The following PCDH9 variants were observed in gnomAD, a reference collection of about 807,000 sequenced individuals.
PCDH9 encodes protocadherin 9.
PCDH9 carries 24 observed loss-of-function variants against 70.6 expected under a neutral mutation model. The observed-to-expected ratio is 0.34, with a 90% CI of 0.25 to 0.48. PCDH9 has a LOEUF of 0.48. Ranked by LOEUF, PCDH9 falls within the 20% of genes least tolerant of loss-of-function variation. The probability of loss-of-function intolerance (pLI) is 0.99; values close to 1 mark genes in which losing one functional copy is unlikely to be tolerated. For synonymous variants in PCDH9, 562 were observed against 558.5 expected (o/e 1.01, Z -0.09); for missense variants, 1,281 against 1,503.6 (o/e 0.85, Z 2.45).
intron 4 of PCDH9, among the ~76,000 whole-genome samples, chr13:66,394,067 G>A (rs1957064208): frequency 1.3e-5 from 2 of 152,168 alleles, no homozygotes. Flanking sequence ...AAATGTGGAA[G>A]GTGACTTAGT....
At chr13:66,342,704 G>A (rs976044128) in intron 4 of PCDH9, among the ~76,000 whole-genome samples, 23 of 152,062 alleles carry the variant, frequency 1.5e-4, no homozygotes, top group Admixed American at 1.3e-4. Flanking sequence ...CCGCCTCCCA[G>A]GTTTGAGCGA....
chr13:66,659,855 G>C (rs565642686), intron 3 of PCDH9, among the ~76,000 whole-genome samples: 60 of 152,112 alleles, frequency 3.9e-4, no homozygotes, highest in African/African-American at 1.4e-3. Flanking sequence ...GCATGTACAA[G>C]TGGCCAAAAC....
At chr13:66,307,875 T>C (rs558133597) in intron 4 of PCDH9, among the ~76,000 whole-genome samples, 5 of 152,222 alleles carry the variant, frequency 3.3e-5, no homozygotes, top group Non-Finnish European at 7.4e-5. Context: ...GTTTTCAGCA[T>C]TGAGTGACAC....
At chr13:66,466,385 T>A (rs2138468255) in intron 4 of PCDH9, among the ~76,000 whole-genome samples, 1 of 152,210 alleles carries the variant, frequency 6.6e-6, no homozygotes, top group Admixed American at 6.5e-5. Flanking sequence ...GAATCTCTTA[T>A]CTTGATTTAT....
At chr13:66,973,577 A>T (rs954981105) in intron 2 of PCDH9, among the ~76,000 whole-genome samples, 2 of 151,934 alleles carry the variant, frequency 1.3e-5, no homozygotes, top group Non-Finnish European at 2.9e-5. Context: ...TTTAAAAAAT[A>T]AAACGTGAAG....
intron 2 of PCDH9, among the ~76,000 whole-genome samples, chr13:67,157,112 C>G (rs1197150348): frequency 6.6e-6 from 1 of 152,136 alleles, no homozygotes; most frequent in Non-Finnish European, 1.5e-5. Context: ...CCTGATGCTT[C>G]GATCAATGCC....
At chr13:66,943,136 G>A (rs897840434) in intron 2 of PCDH9, among the ~76,000 whole-genome samples, 2 of 151,918 alleles carry the variant, frequency 1.3e-5, no homozygotes, top group African/African-American at 4.8e-5. Context: ...TGCAAAACAG[G>A]AAAAGAAATC....
intron 3 of PCDH9, among the ~76,000 whole-genome samples, chr13:66,781,257 T>C (rs1432952915): frequency 6.6e-6 from 1 of 152,338 alleles, no homozygotes; most frequent in East Asian, 1.9e-4. Flanking sequence ...TTTGGTGTAT[T>C]AGCTGAATGC....
intron 3 of PCDH9, among the ~76,000 whole-genome samples, chr13:66,634,070 G>T (rs940271288): frequency 6.6e-6 from 1 of 152,140 alleles, no homozygotes; most frequent in Non-Finnish European, 1.5e-5. Flanking sequence ...CACTTTATAA[G>T]TGAGAATAAG....
At chr13:66,394,093 G>A (rs1486633911) in intron 4 of PCDH9, among the ~76,000 whole-genome samples, 1 of 152,124 alleles carries the variant, frequency 6.6e-6, no homozygotes, top group Non-Finnish European at 1.5e-5. Flanking sequence ...GGGATTTGGT[G>A]GCAGGGGGTC....
chr13:66,799,991 C>T (rs1474728984), intron 3 of PCDH9, among the ~76,000 whole-genome samples: 1 of 152,158 alleles, frequency 6.6e-6, no homozygotes, highest in Non-Finnish European at 1.5e-5. Flanking sequence ...TCCCTTCTTG[C>T]TGCCTCAGAG....
In PCDH9 at chr13:67,055,957, A is replaced by G. The variant is rs568323760; in HGVS notation, c.3037-152352T>C. On this transcript the variant is annotated intron_variant, in intron 2 of 4. Transcript: ENST00000377865. ...CACTTAAGGCCAGGAGCTGAAGACCAGCCTGGGCAACATAGTGAAACCCCA... is the reference window on the plus strand; with the variant it reads ...CACTTAAGGCCAGGAGCTGAAGACCGGCCTGGGCAACATAGTGAAACCCCA... Among the ~76,000 whole-genome samples, 247 of 152,328 alleles carry G rather than the reference A, an allele frequency of 1.6e-3. 2 individuals carry two copies. Among genetic ancestry groups the G allele is most frequent in the African/African-American group, 5.7e-3 (239 of 41,584 alleles).
chr13:67,060,187 C>T (rs994691586), intron 2 of PCDH9, among the ~76,000 whole-genome samples: 2 of 152,106 alleles, frequency 1.3e-5, no homozygotes, highest in Admixed American at 1.3e-4. Context: ...AGTGTCTGAG[C>T]CCGGCTTGGC....
At chr13:66,947,945 T>C (rs1365408090) in intron 2 of PCDH9, among the ~76,000 whole-genome samples, 2 of 152,042 alleles carry the variant, frequency 1.3e-5, no homozygotes, top group East Asian at 3.9e-4. Context: ...CAGGTAGTTA[T>C]TGGAACTATC....
rs559449969 is a variant in PCDH9 at position 66,603,215 on chromosome 13, C to T, written c.3340+27995G>A. ...ACTAATAATTGACTTAGTGCTAGTT[C>T]TGACTATGCGTACACATTAAACATG... On this transcript the variant is annotated intron_variant, in intron 4 of 4. Coordinates refer to ENST00000377865, the MANE Select transcript of PCDH9 (RefSeq NM_203487.3). 7.7e-4 allele frequency among the ~76,000 whole-genome samples: 88 copies of T among 114,770 alleles called. 6 individuals are homozygous for T. The highest frequency in any genetic ancestry group is 2.4e-3 in the African/African-American group (85 of 35,380). 75.3% of individuals were successfully genotyped at this position (114,770 alleles called of 152,430 possible). A position where few individuals can be genotyped will look rare whatever the true frequency, so the allele number is the denominator to read the frequency against.
chr13:66,613,533 T>C (rs1428617220), intron 4 of PCDH9, among the ~76,000 whole-genome samples: 1 of 152,224 alleles, frequency 6.6e-6, no homozygotes, highest in Non-Finnish European at 1.5e-5. Flanking sequence ...GTGCTTTGCA[T>C]GTCTGTATGG....
At chr13:66,815,069 C>T (rs777087511) in intron 3 of PCDH9, among the ~76,000 whole-genome samples, 28 of 151,486 alleles carry the variant, frequency 1.8e-4, no homozygotes, top group Non-Finnish European at 3.1e-4. Context: ...GCAAGTAAAA[C>T]GAACAAAAAC....
chr13:66,362,670 C>T (rs1311154418), intron 4 of PCDH9, among the ~76,000 whole-genome samples: 1 of 151,780 alleles, frequency 6.6e-6, no homozygotes, highest in African/African-American at 2.4e-5. Flanking sequence ...CTCTGTTCCT[C>T]TCTCTCTTTC....
At chr13:66,773,399 C>T (rs572387910) in intron 3 of PCDH9, among the ~76,000 whole-genome samples, 1 of 151,976 alleles carries the variant, frequency 6.6e-6, no homozygotes, top group Non-Finnish European at 1.5e-5. Context: ...GAGGCCGGGG[C>T]GGGTGGATCG....
Sources: gnomAD v4.1 joint callset for allele counts (sites outside exome capture counted in the v4.1 genomes callset) on GRCh38, gnomAD v4.1.1 for gene constraint, MANE v1.5 for transcripts, NCBI Gene and HGNC (gene_info 2026-07-23, HGNC 2026-07-21) for gene names.